Variants in ARFGEF2 observed in about 807,000 individuals in gnomAD.
ARFGEF2 encodes brefeldin A-inhibited guanine nucleotide-exchange protein 2.
Under a neutral mutation model 219.9 loss-of-function variants are expected in ARFGEF2, and 74 were observed. The observed-to-expected ratio is 0.34, with a 90% CI of 0.28 to 0.41. The LOEUF is 0.41. Among genes scored for constraint, ARFGEF2 ranks in the 10% least tolerant of loss-of-function variants. The probability of loss-of-function intolerance (pLI) is 1.00; values close to 1 mark genes in which losing one functional copy is unlikely to be tolerated. For missense variants in ARFGEF2, 1,743 were observed against 2,218.3 expected (o/e 0.79, Z 4.30); for synonymous variants, 733 against 799.2 (o/e 0.92, Z 1.40).
chr20:48,962,585 A>G (rs1206842094), intron 6 of ARFGEF2, among the ~76,000 whole-genome samples: 1 of 152,236 alleles, frequency 6.6e-6, no homozygotes, highest in East Asian at 1.9e-4. Flanking sequence ...TCTAGTCTAA[A>G]TCATCCTTTT....
chr20:48,926,430 A>G (rs1049384565), intron 1 of ARFGEF2, among the ~76,000 whole-genome samples: 3 of 152,012 alleles, frequency 2.0e-5, no homozygotes, highest in Non-Finnish European at 2.9e-5. Flanking sequence ...CTGGTTACAC[A>G]TAAGTTTCAT....
chr20:49,013,728 C>T, intron 29 of ARFGEF2, 34 bp downstream of exon 29: 1 of 1,614,024 alleles, frequency 6.2e-7, no homozygotes, highest in Non-Finnish European at 8.5e-7. Flanking sequence ...CCCCTTACAT[C>T]ACTGAAATGA....
intron 28 of ARFGEF2, among the ~76,000 whole-genome samples, chr20:49,013,020 A>G (rs1361246864): frequency 6.6e-6 from 1 of 152,158 alleles, no homozygotes; most frequent in Non-Finnish European, 1.5e-5. Flanking sequence ...TAGCTGTATG[A>G]CCTTGAGCAG....
At chr20:49,012,660 A>C (rs761091798) in intron 28 of ARFGEF2, among the ~76,000 whole-genome samples, 1 of 152,246 alleles carries the variant, frequency 6.6e-6, no homozygotes. Context: ...AGAAAGAGCT[A>C]TAAACCTGTA....
At chr20:49,003,900 A>C (rs2091439733) in intron 25 of ARFGEF2, among the ~76,000 whole-genome samples, 1 of 152,314 alleles carries the variant, frequency 6.6e-6, no homozygotes, top group Middle Eastern at 3.4e-3. Context: ...GAGATTGATG[A>C]TATTTATTTT....
chr20:48,923,523 T>C (rs2123254534), intron 1 of ARFGEF2, among the ~76,000 whole-genome samples: 1 of 152,262 alleles, frequency 6.6e-6, no homozygotes, highest in South Asian at 2.1e-4. Flanking sequence ...TCAGGATCAG[T>C]GGAAGGAATT....
chr20:48,968,194 C>T (rs972873389), intron 8 of ARFGEF2, among the ~76,000 whole-genome samples: 3 of 152,038 alleles, frequency 2.0e-5, no homozygotes, highest in East Asian at 3.9e-4. Context: ...GGGGTTTCAC[C>T]GTGTTAGCCA....
chr20:48,978,733 C>T (rs2091277734), intron 14 of ARFGEF2, among the ~76,000 whole-genome samples: 1 of 152,150 alleles, frequency 6.6e-6, no homozygotes, highest in African/African-American at 2.4e-5. Flanking sequence ...CTCTTTGTAG[C>T]AATTGTGAAT....
At chr20:48,982,667 C>T (rs868783341) in intron 14 of ARFGEF2, among the ~76,000 whole-genome samples, 6 of 152,198 alleles carry the variant, frequency 3.9e-5, no homozygotes, top group Admixed American at 1.3e-4. Flanking sequence ...CGAGCTTCAC[C>T]AGCACTTTGT....
chr20:48,998,290 C>G, intron 24 of ARFGEF2, 46 bp from the exon 25 acceptor site: 1 of 1,614,188 alleles, frequency 6.2e-7, no homozygotes. Flanking sequence ...GACCGTCTGA[C>G]TGTTCCTAAC....
Position 48,969,380 on chromosome 20 carries a change from C to G in ARFGEF2, c.1190+103C>G, listed in dbSNP as rs909953890. 5 of 1,603,740 alleles carry G rather than the reference C, an allele frequency of 3.1e-6. 1 individual carries two copies. In the African/African-American group the frequency reaches 4.0e-5, roughly 13 times the overall value. On this transcript the variant is annotated intron_variant, in intron 9 of 38. Coordinates refer to ENST00000371917, the MANE Select transcript of ARFGEF2 (RefSeq NM_006420.3). ...GTTCCAAGAAGTTTCAGTGTCATGTCTCTTTGTCAGTGTAAGTGCAGGAAC... is the reference window on the plus strand; with the variant it reads ...GTTCCAAGAAGTTTCAGTGTCATGTGTCTTTGTCAGTGTAAGTGCAGGAAC...
intron 7 of ARFGEF2, 88 bp from the exon 8 acceptor site, chr20:48,965,784 T>C: frequency 6.6e-7 from 1 of 1,511,562 alleles, no homozygotes. Context: ...AGCTGGGAGG[T>C]TCACAGATAA....
chr20:48,973,349 G>A (rs1463238899), intron 12 of ARFGEF2, 65 bp downstream of exon 12: 1 of 1,534,280 alleles, frequency 6.5e-7, no homozygotes, highest in Non-Finnish European at 8.9e-7. Context: ...TTTATTGAGT[G>A]CCACCACATG....
At chr20:49,017,705 C>T (rs1021644496) in intron 33 of ARFGEF2, among the ~76,000 whole-genome samples, 155 bp downstream of exon 33, 1 of 151,668 alleles carries the variant, frequency 6.6e-6, no homozygotes, top group African/African-American at 2.4e-5. Context: ...TTTAGAAAGT[C>T]CAGAAAAGCA....
chr20:48,979,186 G>C (rs938344486), intron 14 of ARFGEF2, among the ~76,000 whole-genome samples: 9 of 152,120 alleles, frequency 5.9e-5, no homozygotes, highest in African/African-American at 1.9e-4. Context: ...TAGCATGAAG[G>C]GCTGTTGAAT....
intron 7 of ARFGEF2, among the ~76,000 whole-genome samples, 179 bp downstream of exon 7, chr20:48,964,077 TACTG>T (rs1442510402): frequency 6.6e-6 from 1 of 152,204 alleles, no homozygotes; most frequent in Non-Finnish European, 1.5e-5. Context: ...GACTTGTTTT[TACTG>T]ACTGATTTTA....
intron 7 of ARFGEF2, among the ~76,000 whole-genome samples, chr20:48,964,907 G>C (rs1384314883): frequency 1.3e-5 from 2 of 152,068 alleles, no homozygotes; most frequent in Non-Finnish European, 2.9e-5. Flanking sequence ...ATAATGTTAA[G>C]TATTGTTTCA....
rs2091260079 is a variant in ARFGEF2 at position 48,976,190 on chromosome 20, G to T, written c.1949G>T (p.Gly650Val). Residue 650 changes from glycine to valine, a missense_variant, in exon 14 of 39, where the codon GGC (glycine) becomes GTC (valine). Around this residue, in one of 5 missense-constraint regions of ARFGEF2, gnomAD observed 666 missense variants for 955.4 expected, o/e 0.70. Coordinates refer to ENST00000371917, the MANE Select transcript of ARFGEF2 (RefSeq NM_006420.3). ...CAACAAAAAGAAATCATTGAACACG[G>T]CATCGAGCTGTGAGTGGGGCTGCCG... The part of the protein sequence containing the change: ...IKQQKEIIEH[G>V]IELFNKKPKR... 1 of 1,613,828 alleles carries T rather than the reference G, an allele frequency of 6.2e-7. No homozygotes were observed. Among genetic ancestry groups the T allele is most frequent in the Admixed American group, 1.7e-5 (1 of 59,980 alleles).
At chr20:49,009,700 T>G (rs2091484172) in intron 26 of ARFGEF2, among the ~76,000 whole-genome samples, 1 of 152,220 alleles carries the variant, frequency 6.6e-6, no homozygotes, top group Non-Finnish European at 1.5e-5. Context: ...CACCTTAAAC[T>G]ATATATGTAT....
Sources: allele counts gnomAD v4.1 joint callset (sites outside exome capture counted in the v4.1 genomes callset), GRCh38; gene constraint gnomAD v4.1.1; regional missense constraint gnomAD v4.1.1; transcripts MANE v1.5; gene names NCBI Gene and HGNC (gene_info 2026-07-23, HGNC 2026-07-21).